The following SFSWAP variants were observed in gnomAD, a reference collection of about 807,000 sequenced individuals.
SFSWAP encodes the protein splicing factor SWAP, also known as splicing factor, suppressor of white-apricot homolog.
In SFSWAP, 17 loss-of-function variants were observed where a neutral mutation model predicts 100.7. The observed-to-expected ratio is 0.17, with a 90% CI of 0.12 to 0.25. The LOEUF (loss-of-function observed/expected upper bound fraction) is 0.25. SFSWAP is among the 10% of genes least tolerant of loss of function. SFSWAP has a pLI of 1.00. For missense variants in SFSWAP, 1,005 were observed against 1,262.6 expected (o/e 0.80, Z 3.09); for synonymous variants, 504 against 510.1 (o/e 0.99, Z 0.16).
intron 7 of SFSWAP, among the ~76,000 whole-genome samples, chr12:131,737,161 G>A (rs758912075): frequency 3.3e-5 from 5 of 152,314 alleles, no homozygotes; most frequent in South Asian, 2.1e-4. Flanking sequence ...GCCAGGGCCC[G>A]AGCGCTGCAG....
intron 14 of SFSWAP, among the ~76,000 whole-genome samples, chr12:131,781,225 T>TATC (rs1884470402): frequency 9.1e-6 from 1 of 110,190 alleles, no homozygotes; most frequent in African/African-American, 2.7e-5. Context: ...TATGCAAATA[T>TATC]ATCTTATTAT....
At chr12:131,793,168 C>T (rs771902403) in intron 15 of SFSWAP, among the ~76,000 whole-genome samples, 4 of 152,066 alleles carry the variant, frequency 2.6e-5, no homozygotes, top group Non-Finnish European at 5.9e-5. Flanking sequence ...CGACTCAGCC[C>T]GGCTGACTGC....
chr12:131,774,303 A>G (rs1237728304), intron 13 of SFSWAP, among the ~76,000 whole-genome samples: 1 of 152,216 alleles, frequency 6.6e-6, no homozygotes, highest in Non-Finnish European at 1.5e-5. Flanking sequence ...AAATACAATC[A>G]GATACAAAGT....
rs534198389 is a variant in SFSWAP at position 131,762,138 on chromosome 12, C to T, written c.1721-2318C>T. On this transcript the variant is annotated intron_variant, in intron 11 of 17. Coordinates refer to ENST00000261674, the MANE Select transcript of SFSWAP (RefSeq NM_004592.4). ...ATCCCAGCTACTCAAGAGGCTGAGGCAGGAGAATCGCTTGAACCTGGGAGG... is the reference window on the plus strand; with the variant it reads ...ATCCCAGCTACTCAAGAGGCTGAGGTAGGAGAATCGCTTGAACCTGGGAGG... Among the ~76,000 whole-genome samples the T allele has an allele frequency of 4.6e-5, 7 of 152,194 alleles. No individual in the cohort carries two copies. The South Asian group carries it at 1.2e-3, about 27-fold the overall frequency.
At position 131,786,347 on chromosome 12, in the gene SFSWAP, C is replaced by A. The variant is rs1003633987; in HGVS notation, c.2409-116C>A. ...TGAAGCCTCAGGGTCTACACAGGCA[C>A]CACCCTGAGGAGCAGCCTCTGCAGA... On this transcript the variant is annotated intron_variant, in intron 14 of 17. Transcript: ENST00000261674. The A allele has an allele frequency of 1.0e-5, 13 of 1,290,332 alleles. No homozygotes were observed. The African/African-American group carries it at 1.9e-4, about 19-fold the overall frequency. 79.9% of individuals were successfully genotyped at this position (1,290,332 alleles called of 1,614,324 possible). A position where few individuals can be genotyped will look rare whatever the true frequency, so the allele number is the denominator to read the frequency against.
intron 3 of SFSWAP, among the ~76,000 whole-genome samples, chr12:131,718,073 A>G (rs1878100386): frequency 6.6e-6 from 1 of 152,224 alleles, no homozygotes. Flanking sequence ...CTGATTTTTG[A>G]AAGAACAGGG....
intron 16 of SFSWAP, 78 bp from the exon 17 acceptor site, chr12:131,798,959 G>T (rs893389778): frequency 4.0e-6 from 4 of 1,004,198 alleles, no homozygotes; most frequent in Non-Finnish European, 6.4e-6. Context: ...GGGGTTCGGA[G>T]GTGGGGATGC....
intron 9 of SFSWAP, 129 bp downstream of exon 9, chr12:131,754,628 T>TTA: frequency 4.5e-5 from 5 of 110,546 alleles, no homozygotes; most frequent in Admixed American, 2.4e-4. Context: ...CTCAAATGTC[T>TTA]TTTTTTTTTT....
chr12:131,764,479 G>T lies in SFSWAP; in HGVS notation c.1744G>T (p.Ala582Ser). ...VKASFAPISF[A>S]IKAKENDLLP... ...AGCTTCCTTTGCTCCAATAAGCTTT[G>T]CAATCAAGGCCAAAGAAAATGATCT... The change falls in exon 12 of 18, where the codon GCA (alanine) becomes TCA (serine). Residue 582 changes from alanine (A) to serine (S), a missense_variant. This residue lies in a region of SFSWAP where 82 missense variants were observed against 131.0 expected (regional missense o/e 0.63). Coordinates refer to ENST00000261674, the MANE Select transcript of SFSWAP (RefSeq NM_004592.4). 1 of 1,614,072 alleles carries T rather than the reference G, an allele frequency of 6.2e-7. No individual in the cohort carries two copies. The highest frequency in any genetic ancestry group is 1.1e-5 in the South Asian group (1 of 91,080).
At position 131,711,141 on chromosome 12, in the gene SFSWAP, G is replaced by A. The variant is rs901953834; in HGVS notation, c.-89G>A. ...GTTGAGGTTGGGTACGGGATGCGGG[G>A]TCTTTGACTGAAGGGGTAGGCCAAG... On this transcript the variant is annotated 5_prime_UTR_variant, in exon 1 of 18. Transcript: ENST00000261674. This position sits in a 1 kb window ranked among gnomAD's most constrained non-coding sequence, Gnocchi z 4.9. 14 of 1,077,506 alleles carry A rather than the reference G, an allele frequency of 1.3e-5. No individual in the cohort carries two copies. The highest frequency in any genetic ancestry group is 1.3e-4 in the African/African-American group (8 of 63,032). 66.7% of individuals were successfully genotyped at this position (1,077,506 alleles called of 1,614,324 possible).
chr12:131,724,178 C>T (rs1878747300), intron 4 of SFSWAP, among the ~76,000 whole-genome samples: 1 of 152,118 alleles, frequency 6.6e-6, no homozygotes, highest in Admixed American at 6.5e-5. Context: ...TAGTATATAA[C>T]AAATAGGCCT....
chr12:131,718,534 A>G (rs1732547535), intron 3 of SFSWAP, among the ~76,000 whole-genome samples: 1 of 152,244 alleles, frequency 6.6e-6, no homozygotes, highest in African/African-American at 2.4e-5. Flanking sequence ...GTAGACAAGT[A>G]TTTGTTAAGT....
chr12:131,766,627 TGTG>T (rs1883144034), intron 13 of SFSWAP, among the ~76,000 whole-genome samples: 1 of 152,228 alleles, frequency 6.6e-6, no homozygotes, highest in Admixed American at 6.5e-5. Flanking sequence ...GCTGGGGAAA[TGTG>T]GTGGACACAC....
intron 13 of SFSWAP, among the ~76,000 whole-genome samples, chr12:131,774,227 G>A (rs947978073): frequency 7.2e-5 from 11 of 152,188 alleles, no homozygotes; most frequent in African/African-American, 1.4e-4. Context: ...GAGCAACGCC[G>A]CAGTGTTGGT....
intron 7 of SFSWAP, among the ~76,000 whole-genome samples, chr12:131,735,961 A>G (rs985588395): frequency 1.3e-5 from 2 of 152,242 alleles, no homozygotes; most frequent in African/African-American, 4.8e-5. Flanking sequence ...AAAAAATAAG[A>G]GAGACTCTAC....
intron 9 of SFSWAP, among the ~76,000 whole-genome samples, chr12:131,754,861 G>A (rs913199258): frequency 6.6e-6 from 1 of 151,968 alleles, no homozygotes; most frequent in Non-Finnish European, 1.5e-5. Flanking sequence ...TCAAACTCCT[G>A]ACCTCAAGTG....
In SFSWAP at chr12:131,711,836, C is replaced by G; in HGVS notation, c.218+389C>G. ...CATGGGGTCGTGCGCTGCTTTTCTA[C>G]TTGCCGCGCTCTCACTGCTCGGTGT... On this transcript the variant is annotated intron_variant, in intron 1 of 17. Transcript: ENST00000261674. The surrounding 1 kb of genome is among the most constrained non-coding windows in gnomAD (Gnocchi z 4.9). The G allele has an allele frequency of 4.5e-6, 1 of 223,160 alleles. No individual in the cohort carries two copies. 13.8% of individuals were successfully genotyped at this position (223,160 alleles called of 1,614,324 possible). A position where few individuals can be genotyped will look rare whatever the true frequency, so the allele number is the denominator to read the frequency against.
intron 15 of SFSWAP, among the ~76,000 whole-genome samples, chr12:131,792,288 T>C (rs1462515092): frequency 1.3e-5 from 2 of 148,850 alleles, no homozygotes; most frequent in South Asian, 2.1e-4. Flanking sequence ...TATTCACAGA[T>C]CAGTACTGTG....
Position 131,797,158 on chromosome 12 carries a change from C to T in SFSWAP, c.2535-20C>T, listed in dbSNP as rs750436310. The T allele has an allele frequency of 6.3e-7, 1 of 1,599,398 alleles. No individual in the cohort carries two copies. ...CTTTAAACCAAAGCTGCATCTCTCA[C>T]AGAAACTCTTGCCTTTCAGAAGTCC... On this transcript the variant is annotated intron_variant, in intron 15 of 17. Coordinates refer to ENST00000261674, the MANE Select transcript of SFSWAP (RefSeq NM_004592.4).
Sources: gnomAD v4.1 joint callset for allele counts (sites outside exome capture counted in the v4.1 genomes callset) on GRCh38, gnomAD v4.1.1 for gene constraint, gnomAD v4.1.1 regional missense constraint, Gnocchi (gnomAD v3.1) non-coding constraint, MANE v1.5 for transcripts, NCBI Gene and HGNC (gene_info 2026-07-23, HGNC 2026-07-21) for gene names.